Variants in PAK1 observed in about 807,000 individuals in gnomAD.
PAK1 encodes serine/threonine-protein kinase PAK 1.
A neutral mutation model predicts 67.4 loss-of-function variants in PAK1; 29 were observed. The observed-to-expected ratio is 0.43, with a 90% confidence interval of 0.32 to 0.59. The LOEUF is 0.59. Among genes scored for constraint, PAK1 ranks in the 20% least tolerant of loss-of-function variants. The pLI is 0.07. For synonymous variants in PAK1, 223 were observed against 237.4 expected, an observed-to-expected ratio of 0.94 and a Z score of 0.56; for missense variants, 337 against 670.7, an observed-to-expected ratio of 0.50 and a Z score of 5.50.
chr11:77,340,790 A>C, intron 10 of PAK1, 27 bp from the exon 11 acceptor site: 2 of 1,218,668 alleles, frequency 1.6e-6, no homozygotes, highest in Non-Finnish European at 2.4e-6. Flanking sequence ...AAAGGGTGAG[A>C]GAGAACAATC....
chr11:77,456,992 C>T (rs916632601), intron 1 of PAK1, among the ~76,000 whole-genome samples: 1 of 152,130 alleles, frequency 6.6e-6, no homozygotes, highest in Non-Finnish European at 1.5e-5. Flanking sequence ...CCGCCCGCCT[C>T]GGCCTCCCAA....
chr11:77,334,123 C>G (rs1942235410), intron 13 of PAK1, among the ~76,000 whole-genome samples: 1 of 150,922 alleles, frequency 6.6e-6, no homozygotes, highest in African/African-American at 2.4e-5. Flanking sequence ...GAGCTGAGAT[C>G]ACACCATTGC....
intron 4 of PAK1, among the ~76,000 whole-genome samples, chr11:77,375,725 C>T (rs1244659519): frequency 1.3e-5 from 2 of 152,104 alleles, no homozygotes; most frequent in Non-Finnish European, 2.9e-5. Context: ...AGTTTAAAGA[C>T]CAGGTAATGT....
At chr11:77,512,124 G>A in the PAK1 span, among the ~76,000 whole-genome samples, 1,609 of 152,278 alleles carry the variant, frequency 0.011, 27 homozygotes, top group African/African-American at 0.037. Context: ...TGCCTCCAGG[G>A]TAGAAGAGCT....
At chr11:77,513,509 A>G in the PAK1 span, among the ~76,000 whole-genome samples, 1 of 151,884 alleles carries the variant, frequency 6.6e-6, no homozygotes, top group East Asian at 1.9e-4. Flanking sequence ...GTCTCTGCTA[A>G]AAATACAAAA....
chr11:77,410,820 G>A (rs777221734), intron 1 of PAK1, among the ~76,000 whole-genome samples: 1 of 151,982 alleles, frequency 6.6e-6, no homozygotes, highest in Non-Finnish European at 1.5e-5. Flanking sequence ...GGTTATTATC[G>A]GGCCTGACAT....
At chr11:77,363,770 G>C (rs1947117330) in intron 5 of PAK1, among the ~76,000 whole-genome samples, 1 of 152,184 alleles carries the variant, frequency 6.6e-6, no homozygotes, top group Non-Finnish European at 1.5e-5. Flanking sequence ...GGACAAAATT[G>C]ACAAAAACCA....
intron 4 of PAK1, among the ~76,000 whole-genome samples, chr11:77,375,834 T>C (rs1348732816): frequency 1.3e-5 from 2 of 152,136 alleles, no homozygotes; most frequent in Non-Finnish European, 2.9e-5. Flanking sequence ...CCAAATCCAA[T>C]ATATTCCTCA....
chr11:77,428,925 G>A (rs1429448359), intron 1 of PAK1, among the ~76,000 whole-genome samples: 1 of 151,610 alleles, frequency 6.6e-6, no homozygotes, highest in Non-Finnish European at 1.5e-5. Context: ...ACAGTAGGGA[G>A]AGCCTGTGAT....
At chr11:77,392,574 T>C in intron 1 of PAK1, 33 bp from the exon 2 acceptor site, 1 of 1,476,586 alleles carries the variant, frequency 6.8e-7, no homozygotes, top group Admixed American at 2.3e-5. Context: ...TATAACTCTT[T>C]TATTATTTTT....
chr11:77,459,695 T>C (rs113320326), intron 1 of PAK1, among the ~76,000 whole-genome samples: 7 of 148,364 alleles, frequency 4.7e-5, no homozygotes, highest in Non-Finnish European at 9.0e-5. Context: ...TTCTTCTTTT[T>C]TTTTTTTTTT....
chr11:77,504,428 A>G, the PAK1 span, among the ~76,000 whole-genome samples: 9 of 152,158 alleles, frequency 5.9e-5, no homozygotes, highest in Admixed American at 2.6e-4. Flanking sequence ...TTGAAGTATA[A>G]TGAAAAAAAT....
the PAK1 span, among the ~76,000 whole-genome samples, chr11:77,527,642 A>G: frequency 6.6e-6 from 1 of 152,166 alleles, no homozygotes; most frequent in African/African-American, 2.4e-5. Flanking sequence ...TGGTCTGACA[A>G]TGCTCTCATA....
Position 77,323,262 on chromosome 11 carries a change from G to A in PAK1, c.*12C>T. On this transcript the variant is annotated 3_prime_UTR_variant, in exon 15 of 15. Coordinates refer to ENST00000356341, the MANE Select transcript of PAK1 (RefSeq NM_002576.5). ...GAAGGCTTGGCACAATGAGGCTGGG[G>A]TGAGTGTGGTTTTAGTGATTGTTCT... 2.5e-6 allele frequency: 4 copies of A among 1,613,680 alleles called. No individual in the cohort carries two copies. The highest frequency in any genetic ancestry group is 3.4e-6 in the Non-Finnish European group (4 of 1,179,602).
intron 1 of PAK1, among the ~76,000 whole-genome samples, chr11:77,453,697 C>T (rs1956960050): frequency 6.6e-6 from 1 of 152,096 alleles, no homozygotes; most frequent in South Asian, 2.1e-4. Flanking sequence ...CTGTAACAGC[C>T]AAATAATTCA....
At chr11:77,490,281 T>TG in the PAK1 span, among the ~76,000 whole-genome samples, 2 of 94,078 alleles carry the variant, frequency 2.1e-5, no homozygotes, top group Admixed American at 1.0e-4. Context: ...CAGAGGGAGG[T>TG]GGGGGTCAGC....
the PAK1 span, among the ~76,000 whole-genome samples, chr11:77,490,063 C>T: frequency 6.6e-6 from 1 of 150,392 alleles, no homozygotes; most frequent in Non-Finnish European, 1.5e-5. Flanking sequence ...TGCCCGGCCG[C>T]CCATCGTCTG....
chr11:77,374,074 G>A (rs1267081198), intron 5 of PAK1, among the ~76,000 whole-genome samples: 1 of 152,214 alleles, frequency 6.6e-6, no homozygotes. Context: ...AACATTTTAC[G>A]ACTATTATGA....
chr11:77,428,183 T>C (rs1410826410), intron 1 of PAK1, among the ~76,000 whole-genome samples: 1 of 152,192 alleles, frequency 6.6e-6, no homozygotes, highest in Non-Finnish European at 1.5e-5. Context: ...ATTTGACTTA[T>C]ATTTTAGAAT....
Sources: gnomAD v4.1 joint callset for allele counts (sites outside exome capture counted in the v4.1 genomes callset) on GRCh38, gnomAD v4.1.1 for gene constraint, MANE v1.5 for transcripts, NCBI Gene and HGNC (gene_info 2026-07-23, HGNC 2026-07-21) for gene names.